TMEM132D: variants seen among roughly 807,000 people sequenced by gnomAD.
The protein encoded by TMEM132D is mature OL transmembrane protein.
Under a neutral mutation model 62.3 loss-of-function variants are expected in TMEM132D, and 21 were observed. The observed-to-expected ratio is 0.34, with a 90% CI of 0.24 to 0.49. The LOEUF (loss-of-function observed/expected upper bound fraction) is 0.49, where lower values mean the gene tolerates loss of function less well. Among genes scored for constraint, TMEM132D ranks in the 20% least tolerant of loss-of-function variants. TMEM132D has a pLI of 0.99. For synonymous variants in TMEM132D, 621 were observed against 575.6 expected, an observed-to-expected ratio of 1.08 and a Z score of -1.13; for missense variants, 1,346 against 1,402.8, an observed-to-expected ratio of 0.96 and a Z score of 0.65.
chr12:129,741,267 C>G (rs1869595748), intron 1 of TMEM132D, among the ~76,000 whole-genome samples: 1 of 152,196 alleles, frequency 6.6e-6, no homozygotes, highest in Admixed American at 6.6e-5. Flanking sequence ...TGGGAAATAA[C>G]TTTCCTTGAC....
At chr12:129,153,266 C>T (rs1285663136) in intron 5 of TMEM132D, among the ~76,000 whole-genome samples, 1 of 152,064 alleles carries the variant, frequency 6.6e-6, no homozygotes, top group Non-Finnish European at 1.5e-5. Context: ...ATGCAGTAGC[C>T]GCAAGTCAGA....
chr12:129,187,542 T>A (rs1380086395), intron 5 of TMEM132D, among the ~76,000 whole-genome samples: 1 of 152,194 alleles, frequency 6.6e-6, no homozygotes, highest in Non-Finnish European at 1.5e-5. Context: ...CAGTTTATCA[T>A]CCTGTATCAC....
intron 2 of TMEM132D, among the ~76,000 whole-genome samples, chr12:129,637,020 C>T (rs1370207340): frequency 6.6e-6 from 1 of 152,034 alleles, no homozygotes; most frequent in African/African-American, 2.4e-5. Context: ...ATGATACACA[C>T]CTAATTTTCA....
At chr12:129,390,213 G>A (rs1051735257) in intron 3 of TMEM132D, among the ~76,000 whole-genome samples, 7 of 152,208 alleles carry the variant, frequency 4.6e-5, no homozygotes, top group Admixed American at 2.6e-4. Flanking sequence ...GCCAGTTCGG[G>A]TCCTCCGTCT....
At chr12:129,652,352 T>C (rs954737582) in intron 2 of TMEM132D, among the ~76,000 whole-genome samples, 3 of 152,160 alleles carry the variant, frequency 2.0e-5, no homozygotes, top group African/African-American at 7.2e-5. Flanking sequence ...GCAGAAAAAA[T>C]GACCGTCAAA....
chr12:129,425,174 CCAGTT>C, intron 3 of TMEM132D, among the ~76,000 whole-genome samples: 1 of 152,296 alleles, frequency 6.6e-6, no homozygotes, highest in Middle Eastern at 3.4e-3. Context: ...TGTGTTCGTT[CCAGTT>C]TTCAGCTATT....
intron 2 of TMEM132D, among the ~76,000 whole-genome samples, chr12:129,691,936 C>T (rs1181728776): frequency 1.3e-5 from 2 of 151,892 alleles, no homozygotes; most frequent in Non-Finnish European, 2.9e-5. Context: ...ATGAATAGCC[C>T]TATCTATTAA....
chr12:129,853,569 T>C (rs777247205), intron 1 of TMEM132D: 12 of 152,216 alleles, frequency 7.9e-5, no homozygotes, highest in Admixed American at 5.2e-4. Context: ...TGTTTCATTA[T>C]ATGAGTCTTA....
chr12:129,738,849 T>C (rs371612588), intron 1 of TMEM132D, among the ~76,000 whole-genome samples: 31 of 152,322 alleles, frequency 2.0e-4, no homozygotes, highest in African/African-American at 6.7e-4. Flanking sequence ...TAACTTTATC[T>C]GTAGAAGACA....
At chr12:129,415,644 C>T (rs1872095341) in intron 3 of TMEM132D, among the ~76,000 whole-genome samples, 1 of 152,196 alleles carries the variant, frequency 6.6e-6, no homozygotes, top group Non-Finnish European at 1.5e-5. Flanking sequence ...GTGCACATCC[C>T]ATCTGCTCAG....
intron 3 of TMEM132D, 88 bp from the exon 4 acceptor site, chr12:129,337,905 C>A: frequency 1.5e-6 from 2 of 1,347,450 alleles, no homozygotes; most frequent in Non-Finnish European, 2.0e-6. Context: ...TTGGCCATTT[C>A]TCTATGTACC....
At chr12:129,410,778 G>A (rs1337212028) in intron 3 of TMEM132D, among the ~76,000 whole-genome samples, 4 of 152,134 alleles carry the variant, frequency 2.6e-5, no homozygotes, top group East Asian at 1.9e-4. Context: ...GAGTACATGT[G>A]CATACATTAC....
chr12:129,620,213 A>T (rs1270213086), intron 2 of TMEM132D, among the ~76,000 whole-genome samples: 1 of 152,204 alleles, frequency 6.6e-6, no homozygotes, highest in Non-Finnish European at 1.5e-5. Flanking sequence ...TGGAGGCTGG[A>T]ATTACCGTGG....
chr12:129,840,831 T>C (rs143834074), intron 1 of TMEM132D, among the ~76,000 whole-genome samples: 1 of 152,346 alleles, frequency 6.6e-6, no homozygotes, highest in Non-Finnish European at 1.5e-5. Flanking sequence ...AACAATTAAA[T>C]AAGACAATAC....
chr12:129,221,145 G>A (rs1717470536), intron 4 of TMEM132D, among the ~76,000 whole-genome samples: 1 of 152,160 alleles, frequency 6.6e-6, no homozygotes, highest in African/African-American at 2.4e-5. Context: ...GTTACTTGTG[G>A]GTTGAAGCAA....
At chr12:129,721,845 C>G (rs1240349801) in intron 1 of TMEM132D, among the ~76,000 whole-genome samples, 1 of 152,222 alleles carries the variant, frequency 6.6e-6, no homozygotes, top group African/African-American at 2.4e-5. Context: ...TCCAAGCGGG[C>G]TCTCCCACCC....
At chr12:129,227,300 AATATATATATATATAT>A (rs141108255) in intron 4 of TMEM132D, among the ~76,000 whole-genome samples, 7,374 of 108,750 alleles carry the variant, frequency 0.068, 717 homozygotes, top group African/African-American at 0.16. Context: ...TGCGTTAGGA[AATATATATATATATAT>A]ATATATATAT....
At chr12:129,848,506 A>G (rs1237249984) in intron 1 of TMEM132D, among the ~76,000 whole-genome samples, 1 of 152,334 alleles carries the variant, frequency 6.6e-6, no homozygotes, top group East Asian at 1.9e-4. Context: ...ACGTTTTCCA[A>G]TGGGGAAAAA....
rs1874165258 is a variant in TMEM132D, at chr12:129,074,090, C to A, written c.3085G>T (p.Asp1029Tyr). 2 of 1,613,984 alleles carry A rather than the reference C, an allele frequency of 1.2e-6. No individual in the cohort carries two copies. The highest frequency in any genetic ancestry group is 1.7e-6 in the Non-Finnish European group (2 of 1,180,028). ...GATGTTGGGGGCTCACTTTTCTGATCTTTCCCATCAATGATGATGGGTCCC... is the reference window on the plus strand; with the variant it reads ...GATGTTGGGGGCTCACTTTTCTGATATTTCCCATCAATGATGATGGGTCCC... The part of the protein sequence containing the change: ...PLGPIIIDGK[D>Y]QKSEPPTSPT... Residue 1029 changes from aspartate (D) to tyrosine (Y), a missense_variant, in exon 9 of 9, where the codon GAT becomes TAT. Coordinates refer to ENST00000422113, the MANE Select transcript of TMEM132D (RefSeq NM_133448.3).
Sources: gnomAD v4.1 joint callset for allele counts (sites outside exome capture counted in the v4.1 genomes callset) on GRCh38, gnomAD v4.1.1 for gene constraint, MANE v1.5 for transcripts, NCBI Gene and HGNC (gene_info 2026-07-23, HGNC 2026-07-21) for gene names.